Variants in RBM17 observed in about 807,000 individuals in gnomAD.
RBM17 encodes the protein splicing factor 45.
Under a neutral mutation model 53.2 loss-of-function variants are expected in RBM17, and 7 were observed. That is an observed-to-expected ratio of 0.13 (90% CI 0.07 to 0.25). The LOEUF is 0.25. Among genes scored for constraint, RBM17 ranks in the 10% least tolerant of loss-of-function variants. The pLI is 1.00. For synonymous variants in RBM17, 167 were observed against 178.1 expected (o/e 0.94, Z 0.50); for missense variants, 257 against 496.7 (o/e 0.52, Z 4.59).
chr10:6,115,888 AAAAAAAC>A lies in RBM17; in HGVS notation c.*333_*339del, dbSNP rs1276188361. ...TTCTTGCACTAAAAAAAAAAAAAAA[AAAAAAAC>A]TAGAAAGTTTTGGGACATGGGGTTA... On this transcript the variant is annotated 3_prime_UTR_variant, in exon 12 of 12. Coordinates refer to ENST00000379888, the MANE Select transcript of RBM17 (RefSeq NM_032905.5). 693 of 176,962 alleles carry A rather than the reference AAAAAAAC, an allele frequency of 3.9e-3. 4 individuals carry two copies. Among genetic ancestry groups the A allele is most frequent in the African/African-American group, 0.016 (643 of 40,656 alleles). 11.0% of individuals were successfully genotyped at this position (176,962 alleles called of 1,614,324 possible).
intron 7 of RBM17, among the ~76,000 whole-genome samples, chr10:6,110,532 G>T (rs1220296518): frequency 6.6e-6 from 1 of 152,096 alleles, no homozygotes; most frequent in Non-Finnish European, 1.5e-5. Flanking sequence ...TAAACCTTTG[G>T]TCTAAAAAAC....
rs568345136 is a variant in RBM17 at position 6,089,424 on chromosome 10, G to T, written c.-19+231G>T. On this transcript the variant is annotated intron_variant, in intron 1 of 11. Coordinates refer to ENST00000379888, the MANE Select transcript of RBM17 (RefSeq NM_032905.5). The surrounding 1 kb of genome is among the most constrained non-coding windows in gnomAD (Gnocchi z 5.6). ...GCCCGCCGCCGCCTCTGGTGACCCT[G>T]GCCCTGACCTTCTCCCTCTTCCCTT... The T allele has an allele frequency of 6.5e-6, 1 of 153,724 alleles. No individual in the cohort carries two copies. The highest frequency in any genetic ancestry group is 2.1e-4 in the South Asian group (1 of 4,842). 9.5% of individuals were successfully genotyped at this position (153,724 alleles called of 1,614,324 possible).
In RBM17 at chr10:6,106,185, C is replaced by G; in HGVS notation, c.452C>G (p.Pro151Arg). Residue 151 changes from proline to arginine, a missense_variant, in exon 5 of 12, where the codon CCA becomes CGA. Around this residue, in one of 6 missense-constraint regions of RBM17, gnomAD observed 127 missense variants for 217.2 expected, o/e 0.58. Coordinates refer to ENST00000379888, the MANE Select transcript of RBM17 (RefSeq NM_032905.5). ...RHEASGFARRPDPDSDEDEDY... is the reference protein window; with the variant it reads ...RHEASGFARRRDPDSDEDEDY... ...GAAGCAAGTGGGTTTGCAAGGAGAC[C>G]AGATCCAGATTCTGATGAAGATGAA... 1 of 1,613,718 alleles carries G rather than the reference C, an allele frequency of 6.2e-7. No individual in the cohort carries two copies. The highest frequency in any genetic ancestry group is 8.5e-7 in the Non-Finnish European group (1 of 1,179,760).
At chr10:6,102,135 C>T (rs985218276) in intron 3 of RBM17, among the ~76,000 whole-genome samples, 10 of 152,156 alleles carry the variant, frequency 6.6e-5, no homozygotes, top group African/African-American at 1.7e-4. Flanking sequence ...CCACAGATGG[C>T]GTTCAAATAA....
At chr10:6,108,804 A>T in intron 6 of RBM17, 62 bp downstream of exon 6, 1 of 1,340,238 alleles carries the variant, frequency 7.5e-7, no homozygotes, top group Non-Finnish European at 1.1e-6. Flanking sequence ...ACCATGGGGG[A>T]TCTCAGCTTG....
intron 1 of RBM17, among the ~76,000 whole-genome samples, chr10:6,091,041 T>TTA (rs1564564101): frequency 7.2e-6 from 1 of 139,418 alleles, no homozygotes; most frequent in African/African-American, 2.6e-5. Context: ...TTATATATTT[T>TTA]TATATATATA....
chr10:6,102,434 G>T (rs937753139), intron 3 of RBM17, among the ~76,000 whole-genome samples: 1 of 152,150 alleles, frequency 6.6e-6, no homozygotes. Context: ...AGGGGAGCGG[G>T]TGCTGTTCCT....
intron 5 of RBM17, among the ~76,000 whole-genome samples, chr10:6,106,678 C>G (rs1840752887): frequency 6.6e-6 from 1 of 152,138 alleles, no homozygotes; most frequent in African/African-American, 2.4e-5. Context: ...TTTTGGAATT[C>G]AGTATATAGG....
chr10:6,104,120 G>A (rs1048526982), intron 3 of RBM17, among the ~76,000 whole-genome samples: 33 of 152,186 alleles, frequency 2.2e-4, no homozygotes, highest in African/African-American at 8.0e-4. Flanking sequence ...GTGGGGTCAG[G>A]GCTTCCAGCA....
At chr10:6,098,575 T>C (rs915901965) in intron 2 of RBM17, among the ~76,000 whole-genome samples, 1 of 122,594 alleles carries the variant, frequency 8.2e-6, no homozygotes, top group Non-Finnish European at 1.7e-5. Flanking sequence ...TTTTTTTTTT[T>C]TTTTTTTTTT....
At chr10:6,099,828 C>T (rs1455543814) in intron 2 of RBM17, among the ~76,000 whole-genome samples, 3 of 152,034 alleles carry the variant, frequency 2.0e-5, no homozygotes, top group East Asian at 1.9e-4. Flanking sequence ...GAGGCCAAGG[C>T]GGGTGGATCA....
intron 2 of RBM17, among the ~76,000 whole-genome samples, chr10:6,099,829 G>A (rs552933100): frequency 7.2e-5 from 11 of 152,182 alleles, no homozygotes; most frequent in East Asian, 3.9e-4. Context: ...AGGCCAAGGC[G>A]GGTGGATCAC....
chr10:6,115,265 A>G lies in RBM17; in HGVS notation c.1056A>G (p.Ala352=). 6.2e-7 allele frequency: 1 copy of G among 1,613,902 alleles called. No individual in the cohort carries two copies. The highest frequency in any genetic ancestry group is 8.5e-7 in the Non-Finnish European group (1 of 1,179,872). ...FEIPGAPDDE[A]VRIFLEFERV... ...TTCCTGGTGCCCCTGATGATGAAGCAGTACGGATATTTTTAGAATTTGAGA... is the reference window on the plus strand; with the variant it reads ...TTCCTGGTGCCCCTGATGATGAAGCGGTACGGATATTTTTAGAATTTGAGA... The change falls in exon 11 of 12, where the codon GCA becomes GCG. Residue 352 remains alanine (A), a synonymous_variant. Coordinates refer to ENST00000379888, the MANE Select transcript of RBM17 (RefSeq NM_032905.5).
At chr10:6,098,784 G>A (rs1482954383) in intron 2 of RBM17, among the ~76,000 whole-genome samples, 2 of 152,018 alleles carry the variant, frequency 1.3e-5, no homozygotes, top group Non-Finnish European at 2.9e-5. Context: ...TCCTGACCTC[G>A]TGATCCGCCT....
chr10:6,097,692 CAAAA>C (rs1176587550), intron 2 of RBM17, among the ~76,000 whole-genome samples: 1 of 152,080 alleles, frequency 6.6e-6, no homozygotes, highest in African/African-American at 2.4e-5. Flanking sequence ...AACAAACAAA[CAAAA>C]AAACAGTACT....
intron 3 of RBM17, among the ~76,000 whole-genome samples, chr10:6,101,958 T>C (rs1170056229): frequency 6.6e-6 from 1 of 152,220 alleles, no homozygotes; most frequent in Non-Finnish European, 1.5e-5. Context: ...ATTTTACATA[T>C]GCTTAAAAAC....
At chr10:6,095,363 C>T (rs1282574888) in intron 1 of RBM17, among the ~76,000 whole-genome samples, 3 of 152,124 alleles carry the variant, frequency 2.0e-5, no homozygotes, top group Admixed American at 6.5e-5. Flanking sequence ...CAGGCACCCA[C>T]CACCACGCCC....
intron 2 of RBM17, among the ~76,000 whole-genome samples, chr10:6,099,921 G>A (rs1008763361): frequency 2.0e-5 from 3 of 152,066 alleles, no homozygotes; most frequent in African/African-American, 7.2e-5. Flanking sequence ...AGCCCGGTGT[G>A]GTGGCGTGCA....
Position 6,112,418 on chromosome 10 carries a change from G to A in RBM17, c.856+57G>A, listed in dbSNP as rs1268440034. 6.3e-7 allele frequency: 1 copy of A among 1,594,700 alleles called. No individual in the cohort carries two copies. Among genetic ancestry groups the A allele is most frequent in the Non-Finnish European group, 8.6e-7 (1 of 1,165,702 alleles). On this transcript the variant is annotated intron_variant, in intron 8 of 11. Transcript: ENST00000379888. The surrounding 1 kb of genome is among the most constrained non-coding windows in gnomAD (Gnocchi z 4.4). ...GAAAGGACTGGCCCCATCCATATCA[G>A]ACATGGCCAGTCTTGATCCTCATGT...
Sources: allele counts gnomAD v4.1 joint callset (sites outside exome capture counted in the v4.1 genomes callset), GRCh38; gene constraint gnomAD v4.1.1; regional missense constraint gnomAD v4.1.1; non-coding constraint Gnocchi (gnomAD v3.1); transcripts MANE v1.5; gene names NCBI Gene and HGNC (gene_info 2026-07-23, HGNC 2026-07-21).